APBB2: variants seen among roughly 807,000 people sequenced by gnomAD.
APBB2 encodes Fe65-like 1.
Under a neutral mutation model 82.5 loss-of-function variants are expected in APBB2, and 38 were observed. That is an observed-to-expected ratio of 0.46 (90% confidence interval 0.36 to 0.60). The LOEUF is 0.60. Among genes scored for constraint, APBB2 ranks in the 20% least tolerant of loss-of-function variants. The pLI, the probability that APBB2 is intolerant of heterozygous loss-of-function variation, is 0.00. For missense variants in APBB2, 772 were observed against 972.3 expected (o/e 0.79, Z 2.74); for synonymous variants, 341 against 368.2 (o/e 0.93, Z 0.85).
chr4:40,850,606 C>T (rs978738151), intron 12 of APBB2, among the ~76,000 whole-genome samples: 8 of 152,184 alleles, frequency 5.3e-5, no homozygotes, highest in Non-Finnish European at 1.0e-4. Flanking sequence ...TATTGGACCA[C>T]GGCCACACTC....
intron 6 of APBB2, among the ~76,000 whole-genome samples, chr4:40,947,575 T>C (rs889735043): frequency 6.6e-6 from 1 of 152,240 alleles, no homozygotes; most frequent in Admixed American, 6.5e-5. Context: ...AAACCCACCC[T>C]AGTTTTACTA....
chr4:40,937,829 C>A (rs2154376954), intron 7 of APBB2, among the ~76,000 whole-genome samples: 1 of 152,294 alleles, frequency 6.6e-6, no homozygotes, highest in East Asian at 1.9e-4. Context: ...ATTCATCTAA[C>A]TTTTTTAATT....
At chr4:40,895,405 A>G (rs754896282) in intron 10 of APBB2, among the ~76,000 whole-genome samples, 1 of 152,234 alleles carries the variant, frequency 6.6e-6, no homozygotes, top group Non-Finnish European at 1.5e-5. Flanking sequence ...CTGCACATGT[A>G]TACACACTGC....
At chr4:41,132,815 A>T (rs1018473527) in intron 2 of APBB2, among the ~76,000 whole-genome samples, 1 of 152,230 alleles carries the variant, frequency 6.6e-6, no homozygotes, top group African/African-American at 2.4e-5. Flanking sequence ...ACAAATGAAC[A>T]TTAGAAAAAA....
intron 2 of APBB2, among the ~76,000 whole-genome samples, chr4:41,109,154 C>G (rs946159123): frequency 2.0e-5 from 3 of 152,160 alleles, no homozygotes; most frequent in African/African-American, 7.2e-5. Context: ...AATCCCGACA[C>G]TCTAAGAGGC....
intron 2 of APBB2, among the ~76,000 whole-genome samples, chr4:41,104,581 C>G (rs568649378): frequency 6.6e-6 from 1 of 151,970 alleles, no homozygotes; most frequent in African/African-American, 2.4e-5. Flanking sequence ...TTATTTTGTA[C>G]GCAGGTAATG....
At chr4:41,091,198 T>A (rs1741566910) in intron 3 of APBB2, among the ~76,000 whole-genome samples, 1 of 152,134 alleles carries the variant, frequency 6.6e-6, no homozygotes, top group Non-Finnish European at 1.5e-5. Flanking sequence ...TCTGCTATCT[T>A]CTCCGGAAAA....
chr4:40,872,470 C>A (rs1765783053), intron 12 of APBB2, among the ~76,000 whole-genome samples: 1 of 152,114 alleles, frequency 6.6e-6, no homozygotes, highest in African/African-American at 2.4e-5. Flanking sequence ...ACTCATGAGC[C>A]CATGTCATTA....
chr4:41,060,860 G>A (rs901250480), intron 4 of APBB2, among the ~76,000 whole-genome samples: 1 of 150,916 alleles, frequency 6.6e-6, no homozygotes, highest in Non-Finnish European at 1.5e-5. Context: ...ACCCTGGCAG[G>A]AGCAGCCCAC....
intron 12 of APBB2, among the ~76,000 whole-genome samples, chr4:40,878,513 TGTG>T (rs1767506135): frequency 6.6e-6 from 1 of 152,150 alleles, no homozygotes; most frequent in South Asian, 2.1e-4. Flanking sequence ...CTTCATCCAC[TGTG>T]TCCCTGCCAT....
intron 3 of APBB2, among the ~76,000 whole-genome samples, chr4:41,085,559 A>G (rs545817297): frequency 6.6e-6 from 1 of 152,286 alleles, no homozygotes; most frequent in East Asian, 1.9e-4. Context: ...ACATAAGGAA[A>G]CTTTCCAGTT....
intron 2 of APBB2, among the ~76,000 whole-genome samples, chr4:41,141,294 G>C (rs1447597103): frequency 6.6e-6 from 1 of 151,644 alleles, no homozygotes; most frequent in Non-Finnish European, 1.5e-5. Flanking sequence ...CTGAATTGCA[G>C]GTCAAAAATA....
chr4:40,812,004 C>T lies in APBB2; in HGVS notation c.*4088G>A, dbSNP rs1160020851. On this transcript the variant is annotated 3_prime_UTR_variant, in exon 18 of 18. Transcript: ENST00000508593. ...CTTCTTCGTGCTAAAATATCACAAT[C>T]CTAGCAAGACCGCTTACAAAAGACT... 1 of 152,140 alleles carries T rather than the reference C, an allele frequency of 6.6e-6. No individual in the cohort carries two copies. The highest frequency in any genetic ancestry group is 1.5e-5 in the Non-Finnish European group (1 of 68,026). 9.4% of individuals were successfully genotyped at this position (152,140 alleles called of 1,614,324 possible). A position where few individuals can be genotyped will look rare whatever the true frequency, so the allele number is the denominator to read the frequency against.
intron 3 of APBB2, among the ~76,000 whole-genome samples, chr4:41,092,233 A>G (rs1478600792): frequency 1.3e-5 from 2 of 152,234 alleles, no homozygotes; most frequent in African/African-American, 4.8e-5. Context: ...AAGTAAAAGG[A>G]AAAGTTATAT....
chr4:41,188,032 C>A (rs1773396019), intron 1 of APBB2, among the ~76,000 whole-genome samples: 1 of 152,146 alleles, frequency 6.6e-6, no homozygotes, highest in African/African-American at 2.4e-5. Flanking sequence ...CTGTATAATA[C>A]AGCCAGTTTT....
chr4:41,038,896 A>G (rs35869798), intron 4 of APBB2, among the ~76,000 whole-genome samples: 16,134 of 152,284 alleles, frequency 0.11, 971 homozygotes, highest in Middle Eastern at 0.17. Context: ...ATGCTCACCT[A>G]TGTGTAGAAC....
intron 1 of APBB2, among the ~76,000 whole-genome samples, chr4:41,154,683 T>C (rs1175495021): frequency 1.3e-5 from 2 of 152,240 alleles, no homozygotes; most frequent in Non-Finnish European, 2.9e-5. Context: ...CAGTCACTTA[T>C]ACTGGTTCAG....
chr4:40,810,367 C>T lies in APBB2; in HGVS notation c.*5725G>A, dbSNP rs1744168436. 6.6e-6 allele frequency: 1 copy of T among 151,872 alleles called. No individual in the cohort carries two copies. Among genetic ancestry groups the T allele is most frequent in the Non-Finnish European group, 1.5e-5 (1 of 67,976 alleles). 9.4% of individuals were successfully genotyped at this position (151,872 alleles called of 1,614,324 possible). On this transcript the variant is annotated 3_prime_UTR_variant, in exon 18 of 18. Coordinates refer to ENST00000508593, the MANE Select transcript of APBB2 (RefSeq NM_004307.2). ...GGCACGCCACTTGAGCACCGGAGTT[C>T]CAGACGAGCCTGGACAACATGGCGA...
chr4:40,842,538 G>A (rs1756193527), intron 12 of APBB2: 2 of 329,460 alleles, frequency 6.1e-6, no homozygotes, highest in South Asian at 4.6e-5. Flanking sequence ...GCTTATTTTA[G>A]GTCAACTGTA....
Sources: allele counts gnomAD v4.1 joint callset (sites outside exome capture counted in the v4.1 genomes callset), GRCh38; gene constraint gnomAD v4.1.1; transcripts MANE v1.5; gene names NCBI Gene and HGNC (gene_info 2026-07-23, HGNC 2026-07-21).